AMELX: variants seen among roughly 807,000 people sequenced by gnomAD.
AMELX encodes amelogenin, X isoform.
AMELX carries 9 observed loss-of-function variants against 15.8 expected under a neutral mutation model. The observed-to-expected ratio is 0.57, with a 90% CI of 0.34 to 0.99. The LOEUF is 0.99. Among genes scored for constraint, AMELX ranks in the 50% least tolerant of loss-of-function variants. The probability of loss-of-function intolerance (pLI) is 0.02; values close to 1 mark genes in which losing one functional copy is unlikely to be tolerated. For synonymous variants in AMELX, 61 were observed against 58.8 expected, an observed-to-expected ratio of 1.04 and a Z score of -0.17; for missense variants, 107 against 156.2, an observed-to-expected ratio of 0.68 and a Z score of 1.68.
chrX:11,307,012 G>A, the AMELX span, among the ~76,000 whole-genome samples: 2 of 111,547 alleles, frequency 1.8e-5, no homozygotes, highest in African/African-American at 6.5e-5. Context: ...AGCTTTGAGT[G>A]TGAACCTGCT....
chrX:11,295,678 G>T (rs1238054677), intron 2 of AMELX, among the ~76,000 whole-genome samples: 1 of 111,433 alleles, frequency 9.0e-6, no homozygotes, highest in Non-Finnish European at 1.9e-5. Context: ...CTGAAATCCT[G>T]CATTGCAGCG....
the AMELX span, among the ~76,000 whole-genome samples, chrX:11,306,230 C>T: frequency 1.8e-5 from 2 of 112,455 alleles, no homozygotes; most frequent in Admixed American, 9.4e-5. Context: ...AAACCTCTCT[C>T]GCTAGTCCAC....
chrX:11,296,448 G>A (rs1376505404), intron 2 of AMELX, among the ~76,000 whole-genome samples: 1 of 111,466 alleles, frequency 9.0e-6, no homozygotes, highest in Non-Finnish European at 1.9e-5. Context: ...CTGGGCGTGG[G>A]GGTGGGATGC....
At position 11,298,861 on chromosome X, in the gene AMELX, C is replaced by T. The variant is rs758391877; in HGVS notation, c.458C>T (p.Pro153Leu). The change falls in exon 5 of 6, where the codon CCG (proline) becomes CTG (leucine). Residue 153 changes from proline to leucine, a missense_variant. By Grantham distance (98) the Pro-to-Leu change is moderately conservative (BLOSUM62 -3). Coordinates refer to ENST00000380714, the MANE Select transcript of AMELX (RefSeq NM_001142.2). ...QPPVHPMQPL[P>L]PQPPLPPMFP... is the part of the protein sequence containing the mutation. ...CCTGTGCACCCCATGCAGCCCCTGC[C>T]GCCACAGCCACCTCTGCCTCCGATG... 15 of 1,208,780 alleles carry T rather than the reference C, an allele frequency of 1.2e-5. No individual in the cohort carries two copies. Among genetic ancestry groups the T allele is most frequent in the Non-Finnish European group, 1.7e-5 (15 of 894,913 alleles).
Position 11,298,761 on chromosome X carries a change from C to G in AMELX, c.358C>G (p.Pro120Ala). The change falls in exon 5 of 6, where the codon CCT becomes GCT. Residue 120 changes from proline to alanine, a missense_variant. Pro to Ala is a conservative substitution (Grantham distance 27). Transcript: ENST00000380714. ...TPIQHHQPNLPPPAQQPYQPQ... is the reference protein window; with the variant it reads ...TPIQHHQPNLAPPAQQPYQPQ... ...AATCCAACACCACCAGCCAAACCTC[C>G]CTCCGCCCGCCCAGCAGCCCTACCA... is the stretch of plus-strand genomic sequence containing the variant. 8.3e-7 allele frequency: 1 copy of G among 1,211,212 alleles called. No homozygotes were observed. The highest frequency in any genetic ancestry group is 1.1e-6 in the Non-Finnish European group (1 of 895,391).
At chrX:11,305,614 A>G (rs995508547), downstream of AMELX, among the ~76,000 whole-genome samples, 11 of 111,750 alleles carry the variant, frequency 9.8e-5, no homozygotes, top group Non-Finnish European at 1.9e-4. Context: ...GATAAAGAGG[A>G]GAAAATAATA....
intron 2 of AMELX, among the ~76,000 whole-genome samples, 169 bp from the exon 3 acceptor site, chrX:11,296,610 A>G (rs941900176): frequency 3.6e-5 from 4 of 112,010 alleles, no homozygotes; most frequent in African/African-American, 1.3e-4. Flanking sequence ...TGTTCAAACT[A>G]AAAACAGACC....
downstream of AMELX, among the ~76,000 whole-genome samples, chrX:11,302,744 C>G (rs898954984): frequency 9.0e-6 from 1 of 110,759 alleles, no homozygotes; most frequent in African/African-American, 3.3e-5. Flanking sequence ...CCATTACAAT[C>G]ATTTAGAGAA....
intron 3 of AMELX, among the ~76,000 whole-genome samples, chrX:11,297,430 A>G (rs1043320234): frequency 8.9e-6 from 1 of 112,255 alleles, no homozygotes; most frequent in African/African-American, 3.2e-5. Flanking sequence ...AATAATTATA[A>G]TAACCATATT....
intron 5 of AMELX, 134 bp from the exon 6 acceptor site, chrX:11,300,473 T>C: frequency 3.9e-6 from 2 of 516,802 alleles, no homozygotes; most frequent in Non-Finnish European, 6.4e-6. Context: ...CAAAGAAACT[T>C]CAGAAATTAT....
intron 4 of AMELX, 128 bp from the exon 5 acceptor site, chrX:11,298,420 T>C (rs1324551233): frequency 3.1e-5 from 35 of 1,127,401 alleles, no homozygotes; most frequent in Non-Finnish European, 2.9e-5. Flanking sequence ...GTGTACACAG[T>C]TACAAATTTT....
downstream of AMELX, among the ~76,000 whole-genome samples, chrX:11,302,878 CCA>C (rs1324527220): frequency 9.0e-6 from 1 of 111,297 alleles, no homozygotes; most frequent in African/African-American, 3.3e-5. Flanking sequence ...GTCAAGTTTA[CCA>C]TCCCCTTTCT....
the AMELX span, among the ~76,000 whole-genome samples, chrX:11,306,531 C>T: frequency 4.1e-4 from 46 of 112,483 alleles, no homozygotes; most frequent in Non-Finnish European, 6.2e-4. Flanking sequence ...CATGTATTAG[C>T]TCATTTAATT....
downstream of AMELX, among the ~76,000 whole-genome samples, chrX:11,304,819 G>T (rs1421905437): frequency 4.1e-5 from 3 of 72,522 alleles, no homozygotes; most frequent in Non-Finnish European, 7.1e-5. Flanking sequence ...ATGGAGTCTC[G>T]CTCTGTCGCC....
the AMELX span, among the ~76,000 whole-genome samples, chrX:11,308,615 T>C: frequency 9.0e-6 from 1 of 111,560 alleles, no homozygotes; most frequent in African/African-American, 3.3e-5. Flanking sequence ...TAGTACCCAA[T>C]GATTGAGACC....
chrX:11,308,272 T>C, the AMELX span, among the ~76,000 whole-genome samples: 1 of 112,244 alleles, frequency 8.9e-6, no homozygotes, highest in Non-Finnish European at 1.9e-5. Flanking sequence ...TTAGGCTCTG[T>C]GAACACTTCG....
At chrX:11,297,310 G>A (rs1377030574) in intron 3 of AMELX, among the ~76,000 whole-genome samples, 1 of 111,971 alleles carries the variant, frequency 8.9e-6, no homozygotes, top group Non-Finnish European at 1.9e-5. Flanking sequence ...CGGAATGCAT[G>A]AGTTTTGGAC....
intron 3 of AMELX, among the ~76,000 whole-genome samples, 191 bp downstream of exon 3, chrX:11,297,017 G>A (rs1021535951): frequency 6.3e-5 from 7 of 111,095 alleles, no homozygotes; most frequent in South Asian, 7.7e-4. Flanking sequence ...GCAGCCTCCC[G>A]CCTGGCCACT....
At position 11,298,256 on chromosome X, in the gene AMELX, G is replaced by C. The variant is rs765738846; in HGVS notation, c.123G>C (p.Trp41Cys). The change falls in exon 4 of 6, where the codon TGG becomes TGC. Residue 41 changes from tryptophan (W) to cysteine (C), a missense_variant. Coordinates refer to ENST00000380714, the MANE Select transcript of AMELX (RefSeq NM_001142.2). ...FSYEVLTPLK[W>C]YQSIRPPYPS... ...TTAAGGTGCTTACCCCTTTGAAGTG[G>C]TACCAGAGCATAAGGCCACCGGTAT... is the stretch of plus-strand genomic sequence containing the variant. The C allele has an allele frequency of 1.7e-5, 20 of 1,209,347 alleles. No homozygotes were observed. Among genetic ancestry groups the C allele is most frequent in the Non-Finnish European group, 2.2e-5 (20 of 894,769 alleles).
Sources: gnomAD v4.1 joint callset for allele counts (sites outside exome capture counted in the v4.1 genomes callset) on GRCh38, gnomAD v4.1.1 for gene constraint, MANE v1.5 for transcripts, NCBI Gene and HGNC (gene_info 2026-07-23, HGNC 2026-07-21) for gene names.